Variants in ARHGAP10 observed in about 807,000 individuals in gnomAD.
The protein encoded by ARHGAP10 is Rho GTPase activating protein 10.
A neutral mutation model predicts 108.6 loss-of-function variants in ARHGAP10; 87 were observed. That is an observed-to-expected ratio of 0.80 (90% CI 0.67 to 0.96). The LOEUF (loss-of-function observed/expected upper bound fraction) is 0.96, where lower values mean the gene tolerates loss of function less well. Ranked by LOEUF, ARHGAP10 falls within the 40% of genes least tolerant of loss-of-function variation. ARHGAP10 has a pLI of 0.00. For missense variants in ARHGAP10, 939 were observed against 954.5 expected (o/e 0.98, Z 0.21); for synonymous variants, 347 against 341.1 (o/e 1.02, Z -0.19).
intron 13 of ARHGAP10, among the ~76,000 whole-genome samples, chr4:147,916,033 C>G (rs1183931781): frequency 6.6e-6 from 1 of 152,096 alleles, no homozygotes; most frequent in Admixed American, 6.5e-5. Flanking sequence ...CACTGGATCC[C>G]AGGGGTCGAG....
At chr4:147,868,919 G>T (rs1734683964) in intron 7 of ARHGAP10, among the ~76,000 whole-genome samples, 1 of 152,114 alleles carries the variant, frequency 6.6e-6, no homozygotes, top group African/African-American at 2.4e-5. Context: ...GTACCTGTCG[G>T]CAGCCTGGGG....
intron 3 of ARHGAP10, among the ~76,000 whole-genome samples, chr4:147,835,204 G>A (rs2126802468): frequency 6.6e-6 from 1 of 152,244 alleles, no homozygotes; most frequent in Admixed American, 6.5e-5. Context: ...TGGCCGCCTG[G>A]TAGAGAATGA....
In ARHGAP10 at chr4:147,978,068, A is replaced by G. The variant is rs186274874; in HGVS notation, c.1716+11229A>G. On this transcript the variant is annotated intron_variant, in intron 18 of 22. Transcript: ENST00000336498. The stretch of plus-strand genomic sequence containing the variant: ...ATTTTCTTTATCCACTCCACTATTG[A>G]TGGGCACTCTATTGATTCCATGTCT... 1.1e-3 allele frequency among the ~76,000 whole-genome samples: 167 copies of G among 152,272 alleles called. 2 individuals are homozygous for G. Among genetic ancestry groups the G allele is most frequent in the Middle Eastern group, 6.8e-3 (2 of 294 alleles).
chr4:147,904,562 C>T (rs185283401), intron 10 of ARHGAP10, among the ~76,000 whole-genome samples: 3 of 152,272 alleles, frequency 2.0e-5, no homozygotes, highest in Non-Finnish European at 4.4e-5. Context: ...GACATGAGCT[C>T]ATCATTTTTT....
chr4:147,815,394 A>G (rs1238477919), intron 1 of ARHGAP10, among the ~76,000 whole-genome samples: 1 of 152,190 alleles, frequency 6.6e-6, no homozygotes, highest in African/African-American at 2.4e-5. Context: ...TCATCCCTGG[A>G]ACCTGTGAAT....
intron 20 of ARHGAP10, among the ~76,000 whole-genome samples, chr4:148,049,353 G>A (rs1304073009): frequency 6.6e-6 from 1 of 152,208 alleles, no homozygotes; most frequent in Non-Finnish European, 1.5e-5. Flanking sequence ...TGCCTCCAGG[G>A]CTGTGCTGAG....
intron 20 of ARHGAP10, among the ~76,000 whole-genome samples, chr4:148,057,579 C>T (rs1227401588): frequency 6.6e-6 from 1 of 152,208 alleles, no homozygotes; most frequent in Non-Finnish European, 1.5e-5. Context: ...AGTTGTGCCT[C>T]ACATGAGCCT....
intron 14 of ARHGAP10, among the ~76,000 whole-genome samples, chr4:147,941,923 C>G (rs1738177667): frequency 6.6e-6 from 1 of 151,780 alleles, no homozygotes; most frequent in Non-Finnish European, 1.5e-5. Flanking sequence ...TGTGTTTTTT[C>G]CCTTCATATT....
chr4:148,036,136 T>C (rs992803611), intron 19 of ARHGAP10, among the ~76,000 whole-genome samples: 2 of 151,816 alleles, frequency 1.3e-5, no homozygotes, highest in Non-Finnish European at 2.9e-5. Context: ...AACTAATGTA[T>C]AAGATAATAT....
rs760894570 is a variant in ARHGAP10 at position 147,866,825 on chromosome 4, G to A, written c.702+9G>A. ...AGATCAACATTCAGAATGTAAGGAAGTGAAAGCTTTCTTTATAAAAAGATG... is the reference window on the plus strand; with the variant it reads ...AGATCAACATTCAGAATGTAAGGAAATGAAAGCTTTCTTTATAAAAAGATG... On this transcript the variant is annotated intron_variant, in intron 7 of 22. Coordinates refer to ENST00000336498, the MANE Select transcript of ARHGAP10 (RefSeq NM_024605.4). 48 of 1,570,650 alleles carry A rather than the reference G, an allele frequency of 3.1e-5. No individual in the cohort carries two copies. In the South Asian group the frequency reaches 4.7e-4, roughly 15 times the overall value.
chr4:147,782,142 G>A (rs1730562217), intron 1 of ARHGAP10, among the ~76,000 whole-genome samples: 1 of 152,194 alleles, frequency 6.6e-6, no homozygotes, highest in Non-Finnish European at 1.5e-5. Flanking sequence ...TAAGGTGAAT[G>A]TCCTGCAGAG....
At chr4:147,856,966 C>T (rs1734113319) in intron 4 of ARHGAP10, among the ~76,000 whole-genome samples, 1 of 152,216 alleles carries the variant, frequency 6.6e-6, no homozygotes, top group Admixed American at 6.5e-5. Context: ...GATTCTCACG[C>T]CTCAGCCTCC....
chr4:147,925,278 G>A (rs1466114635), intron 13 of ARHGAP10, among the ~76,000 whole-genome samples: 1 of 152,162 alleles, frequency 6.6e-6, no homozygotes, highest in Non-Finnish European at 1.5e-5. Context: ...TTTAGTACCT[G>A]CTGCTACAGC....
Position 147,814,300 on chromosome 4 carries a change from T to G in ARHGAP10, c.155-8427T>G, listed in dbSNP as rs566824167. ...CTTTGCTAGGATGCATCTTTTTTTT[T>G]TTTTCCAAGCTTTAAATTTATTTGA... On this transcript the variant is annotated intron_variant, in intron 1 of 22. Transcript: ENST00000336498. 3.1e-3 allele frequency among the ~76,000 whole-genome samples: 472 copies of G among 152,292 alleles called. 3 individuals carry two copies. The highest frequency in any genetic ancestry group is 0.011 in the African/African-American group (453 of 41,568).
At position 147,826,664 on chromosome 4, in the gene ARHGAP10, C is replaced by T. The variant is rs148834481; in HGVS notation, c.312+3707C>T. Among the ~76,000 whole-genome samples the T allele has an allele frequency of 1.7e-3, 257 of 152,286 alleles. 7 individuals carry two copies. In the East Asian group the frequency reaches 0.037, roughly 22 times the overall value. On this transcript the variant is annotated intron_variant, in intron 3 of 22. Coordinates refer to ENST00000336498, the MANE Select transcript of ARHGAP10 (RefSeq NM_024605.4). ...TCGACATCCAGCCTCAGACCAGTCTCGTTTCTCCTGTGATCCCTACTCCCC... is the reference window on the plus strand; with the variant it reads ...TCGACATCCAGCCTCAGACCAGTCTTGTTTCTCCTGTGATCCCTACTCCCC...
intron 19 of ARHGAP10, among the ~76,000 whole-genome samples, chr4:148,046,545 C>CT (rs760792037): frequency 3.9e-5 from 6 of 152,164 alleles, no homozygotes; most frequent in Non-Finnish European, 8.8e-5. Flanking sequence ...CCCCACAGGG[C>CT]TGGTGTGCTG....
At chr4:147,773,420 T>TC (rs1187510334) in intron 1 of ARHGAP10, among the ~76,000 whole-genome samples, 6 of 152,154 alleles carry the variant, frequency 3.9e-5, no homozygotes, top group African/African-American at 1.4e-4. Context: ...AATGTTACCC[T>TC]CCATAGCAAA....
At chr4:147,846,522 A>G (rs1040569817) in intron 3 of ARHGAP10, among the ~76,000 whole-genome samples, 3 of 152,190 alleles carry the variant, frequency 2.0e-5, no homozygotes, top group African/African-American at 7.2e-5. Flanking sequence ...TCCCCAAACC[A>G]GCCAACATAA....
chr4:147,954,402 T>G (rs191178544), intron 15 of ARHGAP10, among the ~76,000 whole-genome samples: 9 of 152,174 alleles, frequency 5.9e-5, no homozygotes, highest in Non-Finnish European at 1.0e-4. Flanking sequence ...CATTTAATAT[T>G]GTTTTGGCTT....
Sources: allele counts gnomAD v4.1 joint callset (sites outside exome capture counted in the v4.1 genomes callset), GRCh38; gene constraint gnomAD v4.1.1; transcripts MANE v1.5; gene names NCBI Gene and HGNC (gene_info 2026-07-23, HGNC 2026-07-21).